PTPDC1: variants seen among roughly 807,000 people sequenced by gnomAD.
PTPDC1 encodes protein tyrosine phosphatase domain-containing protein 1.
PTPDC1 carries 53 observed loss-of-function variants against 75.3 expected under a neutral mutation model. That is an observed-to-expected ratio of 0.70 (90% CI 0.56 to 0.88). The LOEUF is 0.88. Among genes scored for constraint, PTPDC1 ranks in the 40% least tolerant of loss-of-function variants. PTPDC1 has a pLI of 0.00. For missense variants in PTPDC1, 925 were observed against 998.6 expected (o/e 0.93, Z 0.99); for synonymous variants, 349 against 366.2 (o/e 0.95, Z 0.54).
chr9:94,097,739 G>A lies in PTPDC1; in HGVS notation c.1173G>A (p.Leu391=). 3.7e-6 allele frequency: 6 copies of A among 1,614,196 alleles called. No homozygotes were observed. Among genetic ancestry groups the A allele is most frequent in the Non-Finnish European group, 5.1e-6 (6 of 1,180,042 alleles). ...CCATGCAGCTGGATAAAGAGTTACT[G>A]AGGCATGACAGTGATGTGTCCAACC... ...MVTMQLDKEL[L]RHDSDVSNPP... is the part of the protein sequence containing the mutation. The change falls in exon 6 of 9, where the codon CTG becomes CTA. Residue 391 remains leucine (L), a synonymous_variant. Coordinates refer to ENST00000620992, the MANE Select transcript of PTPDC1 (RefSeq NM_001253829.2).
At chr9:94,064,800 G>A (rs755043926) in exon 2 of PTPDC1, 23 of 1,612,964 alleles carry the variant, frequency 1.4e-5, no homozygotes, top group East Asian at 4.5e-5. Context: ...GAATAACAGC[G>A]AGTGTGTTGC....
chr9:94,078,740 C>T (rs1325921267), intron 2 of PTPDC1, among the ~76,000 whole-genome samples: 1 of 152,158 alleles, frequency 6.6e-6, no homozygotes, highest in Non-Finnish European at 1.5e-5. Flanking sequence ...CTTCCTTCTG[C>T]CACTTCAGAT....
intron 8 of PTPDC1, among the ~76,000 whole-genome samples, chr9:94,107,415 C>T (rs1455197090): frequency 6.6e-6 from 1 of 152,184 alleles, no homozygotes; most frequent in Non-Finnish European, 1.5e-5. Context: ...AGCTGGGCTT[C>T]TATTCAGGTC....
intron 1 of PTPDC1, among the ~76,000 whole-genome samples, chr9:94,050,455 C>T (rs1031884790): frequency 2.0e-5 from 3 of 152,224 alleles, no homozygotes; most frequent in African/African-American, 7.2e-5. Flanking sequence ...AGCTGCAGGT[C>T]TGTTGGAGTT....
chr9:94,062,439 C>T (rs1189924028), intron 1 of PTPDC1, among the ~76,000 whole-genome samples: 1 of 152,200 alleles, frequency 6.6e-6, no homozygotes, highest in East Asian at 1.9e-4. Context: ...AAGCTGCCTC[C>T]ACATTTTCAA....
chr9:94,058,488 C>T (rs1826017904), intron 1 of PTPDC1, among the ~76,000 whole-genome samples: 2 of 151,690 alleles, frequency 1.3e-5, no homozygotes, highest in Non-Finnish European at 2.9e-5. Context: ...CACTTGAAGT[C>T]AGGAGTTCCA....
chr9:94,080,258 A>C (rs543698622), upstream of PTPDC1, among the ~76,000 whole-genome samples: 1 of 152,284 alleles, frequency 6.6e-6, no homozygotes, highest in East Asian at 1.9e-4. Context: ...TTGGTCAATT[A>C]GGTAAATATA....
chr9:94,046,399 G>A (rs901952150), intron 1 of PTPDC1, among the ~76,000 whole-genome samples: 1 of 152,274 alleles, frequency 6.6e-6, no homozygotes, highest in East Asian at 1.9e-4. Flanking sequence ...TCGGTAGCTT[G>A]ATGGGGATGG....
chr9:94,059,983 G>A (rs933707560), intron 1 of PTPDC1, among the ~76,000 whole-genome samples: 3 of 152,106 alleles, frequency 2.0e-5, no homozygotes, highest in Non-Finnish European at 4.4e-5. Flanking sequence ...TTTGATGATT[G>A]TTCCACATCT....
At chr9:94,092,379 T>C (rs1279639134) in intron 4 of PTPDC1, among the ~76,000 whole-genome samples, 5 of 143,954 alleles carry the variant, frequency 3.5e-5, no homozygotes, top group Admixed American at 7.0e-5. Flanking sequence ...TCAGTTTCCA[T>C]GTAGTTGAGT....
At chr9:94,102,150 G>A (rs1564038464) in intron 7 of PTPDC1, among the ~76,000 whole-genome samples, 1 of 152,040 alleles carries the variant, frequency 6.6e-6, no homozygotes, top group Non-Finnish European at 1.5e-5. Flanking sequence ...GCTGTAACAC[G>A]AGACTGTGCC....
intron 1 of PTPDC1, among the ~76,000 whole-genome samples, chr9:94,057,791 A>T (rs1208016385): frequency 6.6e-6 from 1 of 152,196 alleles, no homozygotes; most frequent in African/African-American, 2.4e-5. Flanking sequence ...CTATAAATGA[A>T]TGTTTTTATG....
chr9:94,052,757 G>A (rs1420788164), intron 1 of PTPDC1, among the ~76,000 whole-genome samples: 1 of 152,172 alleles, frequency 6.6e-6, no homozygotes, highest in Non-Finnish European at 1.5e-5. Flanking sequence ...TGGAAAGACT[G>A]TACTTTGTCT....
intron 1 of PTPDC1, chr9:94,037,996 C>A (rs748966186): frequency 5.8e-5 from 19 of 327,134 alleles, no homozygotes; most frequent in Admixed American, 7.7e-5. Context: ...GGGGTAGGAA[C>A]CTTCGTTGCG....
rs1388741826 is a variant in PTPDC1, at chr9:94,085,303, G to C, written c.297G>C (p.Arg99=). The change falls in exon 2 of 9, where the codon CGG becomes CGC. Residue 99 remains arginine, a synonymous_variant. Transcript: ENST00000620992. ...ACACAAAAGTAGGGGAGCGTTTACG[G>C]CATGTCATTCCTGGACACATGGCAT... The part of the protein sequence containing the change: ...PKYTKVGERL[R]HVIPGHMACS... 1.2e-6 allele frequency: 2 copies of C among 1,614,180 alleles called. No individual in the cohort carries two copies. The highest frequency in any genetic ancestry group is 3.3e-5 in the Admixed American group (2 of 60,022).
At chr9:94,080,424 G>A (rs575609745), upstream of PTPDC1, among the ~76,000 whole-genome samples, 72 of 152,256 alleles carry the variant, frequency 4.7e-4, no homozygotes, top group Non-Finnish European at 8.2e-4. Context: ...CTACATATGG[G>A]AATAAATATA....
At chr9:94,084,836 T>C (rs1827014653) in intron 1 of PTPDC1, 62 bp downstream of exon 1, 2 of 1,209,168 alleles carry the variant, frequency 1.7e-6, no homozygotes, top group South Asian at 3.0e-5. Flanking sequence ...GGGAATCAGC[T>C]GTGTTGTGTT....
chr9:94,077,678 T>C (rs1174931755), intron 2 of PTPDC1, among the ~76,000 whole-genome samples: 1 of 152,160 alleles, frequency 6.6e-6, no homozygotes, highest in Admixed American at 6.5e-5. Context: ...TTGAACCCTA[T>C]CCTAAGCTTT....
chr9:94,100,636 G>A (rs1380537304), intron 6 of PTPDC1: 5 of 152,186 alleles, frequency 3.3e-5, no homozygotes, highest in African/African-American at 1.2e-4. Flanking sequence ...ATGTATTGGT[G>A]AGGAAGCTCC....
Sources: allele counts gnomAD v4.1 joint callset (sites outside exome capture counted in the v4.1 genomes callset), GRCh38; gene constraint gnomAD v4.1.1; transcripts MANE v1.5; gene names NCBI Gene and HGNC (gene_info 2026-07-23, HGNC 2026-07-21).